The following RTN4 variants were observed in gnomAD, a reference collection of about 807,000 sequenced individuals.
RTN4 encodes the protein reticulon 4.
A neutral mutation model predicts 90.4 loss-of-function variants in RTN4; 32 were observed. That is an observed-to-expected ratio of 0.35 (90% CI 0.27 to 0.48). The LOEUF (loss-of-function observed/expected upper bound fraction) is 0.48. RTN4 is among the 20% of genes least tolerant of loss of function. The pLI is 0.99. For missense variants in RTN4, 1,706 were observed against 1,430.2 expected, an observed-to-expected ratio of 1.19 and a Z score of -3.11; for synonymous variants, 629 against 552.5, an observed-to-expected ratio of 1.14 and a Z score of -1.94.
chr2:55,061,305 CCACCCACCA>C, intron 2 of RTN4, among the ~76,000 whole-genome samples: 3 of 152,096 alleles, frequency 2.0e-5, no homozygotes, highest in African/African-American at 7.2e-5. Flanking sequence ...CTCAGGTGAT[CCACCCACCA>C]TGGCCTCCCA....
chr2:55,106,139 G>A (rs954374946), intron 1 of RTN4, among the ~76,000 whole-genome samples: 9 of 151,870 alleles, frequency 5.9e-5, no homozygotes, highest in African/African-American at 2.4e-5. Flanking sequence ...TTTGGTATTC[G>A]GTTTGTTATA....
the RTN4 span, among the ~76,000 whole-genome samples, chr2:55,132,813 C>CAAA: frequency 0.043 from 4,999 of 115,866 alleles, 318 homozygotes; most frequent in African/African-American, 0.13. Context: ...GACCGTCTCT[C>CAAA]AAAAAAAAAA....
intron 2 of RTN4, among the ~76,000 whole-genome samples, chr2:55,078,494 T>G (rs906043140): frequency 6.6e-6 from 1 of 152,196 alleles, no homozygotes; most frequent in Non-Finnish European, 1.5e-5. Flanking sequence ...GAAAAAACAG[T>G]AACAAAAAGT....
intron 1 of RTN4, among the ~76,000 whole-genome samples, chr2:55,043,004 C>T (rs1356502936): frequency 6.6e-6 from 1 of 152,120 alleles, no homozygotes; most frequent in African/African-American, 2.4e-5. Context: ...TTCCAAGAAA[C>T]ATAAATATCA....
At chr2:55,008,821 C>A (rs533617210) in intron 3 of RTN4, among the ~76,000 whole-genome samples, 57 of 152,076 alleles carry the variant, frequency 3.7e-4, no homozygotes, top group Non-Finnish European at 2.8e-4. Flanking sequence ...CTTTTAAGGC[C>A]TGTATTTATT....
At chr2:55,083,517 C>A (rs1389149742) in intron 1 of RTN4, among the ~76,000 whole-genome samples, 1 of 152,058 alleles carries the variant, frequency 6.6e-6, no homozygotes, top group African/African-American at 2.4e-5. Flanking sequence ...AAAAAACAAC[C>A]AGGATGTGAA....
At chr2:55,078,825 T>C (rs915173001) in intron 2 of RTN4, among the ~76,000 whole-genome samples, 14 of 152,122 alleles carry the variant, frequency 9.2e-5, no homozygotes, top group African/African-American at 3.4e-4. Flanking sequence ...ATTTTGAATA[T>C]GTGGGTGTTT....
chr2:55,057,653 G>C (rs936266630), intron 2 of RTN4, among the ~76,000 whole-genome samples: 4 of 152,148 alleles, frequency 2.6e-5, no homozygotes, highest in African/African-American at 9.7e-5. Flanking sequence ...TGGAACATGT[G>C]AAGAATGCGT....
intron 1 of RTN4, among the ~76,000 whole-genome samples, chr2:55,040,815 AT>A (rs889128243): frequency 1.3e-5 from 2 of 151,914 alleles, no homozygotes; most frequent in Non-Finnish European, 2.9e-5. Flanking sequence ...GAATATATTA[AT>A]TTTTTTCTTA....
intron 2 of RTN4, among the ~76,000 whole-genome samples, chr2:55,062,112 GAAGAGTCGGGCCGCCAAGC>G (rs948643800): frequency 6.6e-6 from 1 of 152,108 alleles, no homozygotes; most frequent in African/African-American, 2.4e-5. Flanking sequence ...GGCTGTCAGA[GAAGAGTCGGGCCGCCAAGC>G]AGCCCGACTT....
chr2:55,027,453 T>G lies in RTN4; in HGVS notation c.646A>C (p.Thr216Pro). The change falls in exon 3 of 9, where the codon ACT becomes CCT. Residue 216 changes from threonine (T) to proline (P), a missense_variant. By Grantham distance (38) the Thr-to-Pro change is conservative (BLOSUM62 -1). Coordinates refer to ENST00000337526, the MANE Select transcript of RTN4 (RefSeq NM_020532.5). ...AAATCCTCTTGACCAGCCGAAATAG[T>G]GTTACCTGGCTGCTCCTTCAAGTCC... ...NMDLKEQPGN[T>P]ISAGQEDFPS... The G allele has an allele frequency of 1.2e-6, 2 of 1,611,742 alleles. No individual in the cohort carries two copies. Among genetic ancestry groups the G allele is most frequent in the African/African-American group, 2.7e-5 (2 of 74,908 alleles).
chr2:55,080,113 C>T (rs1055713392), intron 2 of RTN4, among the ~76,000 whole-genome samples: 3 of 152,096 alleles, frequency 2.0e-5, no homozygotes, highest in African/African-American at 7.2e-5. Context: ...ACCTCCCAGG[C>T]TCAAATGATC....
chr2:55,091,255 G>A (rs771908891), intron 1 of RTN4, among the ~76,000 whole-genome samples: 5 of 152,162 alleles, frequency 3.3e-5, no homozygotes, highest in African/African-American at 7.2e-5. Flanking sequence ...GGGGCCCCAC[G>A]TGATTGGGCC....
intron 1 of RTN4, among the ~76,000 whole-genome samples, chr2:55,036,753 T>C (rs1342089183): frequency 6.6e-6 from 1 of 152,094 alleles, no homozygotes; most frequent in East Asian, 1.9e-4. Flanking sequence ...TTTCAACACC[T>C]GTTATCATAA....
intron 2 of RTN4, among the ~76,000 whole-genome samples, chr2:55,069,492 G>A (rs904347623): frequency 3.3e-5 from 5 of 152,150 alleles, no homozygotes; most frequent in African/African-American, 1.2e-4. Flanking sequence ...ACTATCCACA[G>A]GGTTTATTGC....
chr2:55,032,262 T>C (rs1169228236), intron 1 of RTN4, among the ~76,000 whole-genome samples: 2 of 152,054 alleles, frequency 1.3e-5, no homozygotes, highest in African/African-American at 4.8e-5. Context: ...GTGTTTTTAG[T>C]AGAGACGGGG....
At chr2:55,006,177 T>C (rs898659923) in intron 3 of RTN4, among the ~76,000 whole-genome samples, 1 of 152,186 alleles carries the variant, frequency 6.6e-6, no homozygotes, top group African/African-American at 2.4e-5. Flanking sequence ...CTCTATGCGA[T>C]GTGAGTTTTA....
the RTN4 span, among the ~76,000 whole-genome samples, chr2:55,129,157 T>C: frequency 1.4e-5 from 2 of 146,944 alleles, no homozygotes; most frequent in Non-Finnish European, 3.0e-5. Flanking sequence ...AGGCAAAGGA[T>C]ATAAAGAGGC....
At chr2:55,131,135 T>G in the RTN4 span, among the ~76,000 whole-genome samples, 2 of 152,170 alleles carry the variant, frequency 1.3e-5, no homozygotes, top group Non-Finnish European at 2.9e-5. Flanking sequence ...TAGAGTGCAG[T>G]GGTACAATCT....
Sources: gnomAD v4.1 joint callset for allele counts (sites outside exome capture counted in the v4.1 genomes callset) on GRCh38, gnomAD v4.1.1 for gene constraint, MANE v1.5 for transcripts, NCBI Gene and HGNC (gene_info 2026-07-23, HGNC 2026-07-21) for gene names.